DENND1B: variants seen among roughly 807,000 people sequenced by gnomAD.
DENND1B encodes DENN domain-containing protein 1B.
DENND1B carries 59 observed loss-of-function variants against 90.1 expected under a neutral mutation model. The observed-to-expected ratio is 0.65, with a 90% CI of 0.53 to 0.81. The LOEUF (loss-of-function observed/expected upper bound fraction) is 0.81, where lower values mean the gene tolerates loss of function less well. DENND1B is among the 40% of genes least tolerant of loss of function. The pLI is 0.00. For missense variants in DENND1B, 862 were observed against 912.6 expected, an observed-to-expected ratio of 0.94 and a Z score of 0.71; for synonymous variants, 337 against 324.6, an observed-to-expected ratio of 1.04 and a Z score of -0.41.
chr1:197,644,690 G>C (rs1193982201), intron 9 of DENND1B, among the ~76,000 whole-genome samples: 2 of 152,118 alleles, frequency 1.3e-5, no homozygotes, highest in African/African-American at 4.8e-5. Flanking sequence ...CTTTTCATAA[G>C]GGTTTTTTGG....
chr1:197,652,774 G>C (rs1653380874), intron 6 of DENND1B, among the ~76,000 whole-genome samples: 2 of 152,008 alleles, frequency 1.3e-5, no homozygotes, highest in African/African-American at 2.4e-5. Context: ...GTGCAATGTA[G>C]AGGTTATTCT....
At chr1:197,648,755 C>T (rs570511680) in intron 7 of DENND1B, among the ~76,000 whole-genome samples, 2 of 152,246 alleles carry the variant, frequency 1.3e-5, no homozygotes, top group Non-Finnish European at 1.5e-5. Context: ...TTCTCCTTAA[C>T]TGCTCTTTCC....
chr1:197,650,818 A>G (rs1653063613), intron 7 of DENND1B, among the ~76,000 whole-genome samples: 1 of 152,160 alleles, frequency 6.6e-6, no homozygotes, highest in East Asian at 1.9e-4. Context: ...CTAAGCTATG[A>G]GGACGCAAAA....
chr1:197,772,519 T>C (rs1236560624), intron 2 of DENND1B, among the ~76,000 whole-genome samples: 3 of 152,172 alleles, frequency 2.0e-5, no homozygotes, highest in Non-Finnish European at 2.9e-5. Flanking sequence ...TTCAATCAAT[T>C]ATTTTAAGAA....
At chr1:197,540,317 A>C (rs1423402798) in intron 19 of DENND1B, among the ~76,000 whole-genome samples, 2 of 151,880 alleles carry the variant, frequency 1.3e-5, no homozygotes, top group African/African-American at 4.8e-5. Flanking sequence ...AAATAATTAA[A>C]AATCTTTGAT....
chr1:197,535,394 A>G lies in DENND1B; in HGVS notation c.1515+4570T>C, dbSNP rs532433072. ...AAGTACAGTTAGTACCAAACCCTAT[A>G]CAAACTATGTTTTTTCCTAAACATA... On this transcript the variant is annotated intron_variant, in intron 20 of 22. Coordinates refer to ENST00000620048, the MANE Select transcript of DENND1B (RefSeq NM_001195215.2). Among the ~76,000 whole-genome samples the G allele has an allele frequency of 1.4e-4, 21 of 152,298 alleles. No individual in the cohort carries two copies. In the East Asian group the frequency reaches 3.9e-3, roughly 28 times the overall value.
chr1:197,543,449 A>C (rs922415443), intron 18 of DENND1B, among the ~76,000 whole-genome samples: 2 of 152,178 alleles, frequency 1.3e-5, no homozygotes, highest in African/African-American at 2.4e-5. Flanking sequence ...CCTAAAAAAA[A>C]CCCTCAACTG....
chr1:197,643,117 AACCTAGAGC>A (rs1392338370), intron 9 of DENND1B, among the ~76,000 whole-genome samples: 1 of 151,918 alleles, frequency 6.6e-6, no homozygotes, highest in East Asian at 1.9e-4. Flanking sequence ...CCTGGGACCC[AACCTAGAGC>A]TGCTCTGTTG....
At chr1:197,591,835 G>A (rs574032166) in intron 14 of DENND1B, among the ~76,000 whole-genome samples, 1 of 152,168 alleles carries the variant, frequency 6.6e-6, no homozygotes, top group African/African-American at 2.4e-5. Flanking sequence ...TCACGGCCGG[G>A]CGCGGTAGCT....
intron 13 of DENND1B, among the ~76,000 whole-genome samples, chr1:197,596,005 T>C (rs1240277944): frequency 6.6e-6 from 1 of 152,080 alleles, no homozygotes; most frequent in Non-Finnish European, 1.5e-5. Flanking sequence ...GCCCTTACTA[T>C]GTAGCCAATA....
At chr1:197,715,968 A>G (rs1232510865) in intron 2 of DENND1B, among the ~76,000 whole-genome samples, 1 of 151,790 alleles carries the variant, frequency 6.6e-6, no homozygotes, top group Admixed American at 6.6e-5. Context: ...AAAGCCCAAG[A>G]TAAGACTAAT....
chr1:197,515,453 C>T (rs1314627869), intron 20 of DENND1B, among the ~76,000 whole-genome samples: 2 of 151,646 alleles, frequency 1.3e-5, no homozygotes, highest in African/African-American at 4.8e-5. Context: ...TGATACAATC[C>T]TTTGTTTCTG....
chr1:197,509,462 T>C lies in DENND1B; in HGVS notation c.*998A>G, dbSNP rs899113613. 1 of 151,772 alleles carries C rather than the reference T, an allele frequency of 6.6e-6. No homozygotes were observed. The highest frequency in any genetic ancestry group is 1.9e-4 in the East Asian group (1 of 5,156). The allele number at this position is 151,772 out of a possible 1,614,324, so 9.4% of individuals were successfully genotyped here. On this transcript the variant is annotated 3_prime_UTR_variant, in exon 23 of 23. Transcript: ENST00000620048. ...ACTAATTGGGGCAGATGTACCATAG[T>C]AACGTAAGATGTTAGTAACAGGGGT...
upstream of DENND1B, among the ~76,000 whole-genome samples, chr1:197,779,899 T>C (rs1657385692): frequency 6.6e-6 from 1 of 152,168 alleles, no homozygotes; most frequent in African/African-American, 2.4e-5. Context: ...ATTTCTTCTA[T>C]GTATGTGATT....
chr1:197,728,276 T>C (rs1246072907), intron 2 of DENND1B, among the ~76,000 whole-genome samples: 3 of 152,270 alleles, frequency 2.0e-5, no homozygotes, highest in Non-Finnish European at 4.4e-5. Flanking sequence ...GAAATTTTTC[T>C]CAAGCCTTTT....
At chr1:197,733,774 A>G (rs1662372105) in intron 2 of DENND1B, among the ~76,000 whole-genome samples, 1 of 152,234 alleles carries the variant, frequency 6.6e-6, no homozygotes, top group Non-Finnish European at 1.5e-5. Flanking sequence ...TGAAGATGTT[A>G]TTTGACCATA....
At chr1:197,617,526 C>A in intron 11 of DENND1B, 133 bp downstream of exon 11, 1 of 637,970 alleles carries the variant, frequency 1.6e-6, no homozygotes, top group South Asian at 1.9e-5. Flanking sequence ...TAAAAGCCAT[C>A]TTTACTATTT....
At chr1:197,606,508 T>G (rs2125835839) in intron 13 of DENND1B, 1 of 151,376 alleles carries the variant, frequency 6.6e-6, no homozygotes, top group South Asian at 2.1e-4. Flanking sequence ...TAGAAAAGAT[T>G]AAAATAAAAC....
intron 15 of DENND1B, among the ~76,000 whole-genome samples, chr1:197,574,342 T>C (rs185884456): frequency 6.2e-4 from 94 of 152,224 alleles, no homozygotes; most frequent in African/African-American, 2.2e-3. Context: ...CCATTCGCAA[T>C]TGCTACAAAG....
Sources: gnomAD v4.1 joint callset for allele counts (sites outside exome capture counted in the v4.1 genomes callset) on GRCh38, gnomAD v4.1.1 for gene constraint, MANE v1.5 for transcripts, NCBI Gene and HGNC (gene_info 2026-07-23, HGNC 2026-07-21) for gene names.